SKIL: variants seen among roughly 807,000 people sequenced by gnomAD.
SKIL encodes the protein SKI like proto-oncogene, also known as ski-like protein.
In SKIL, 20 loss-of-function variants were observed where a neutral mutation model predicts 69.6. That is an observed-to-expected ratio of 0.29 (90% CI 0.20 to 0.42). The LOEUF is 0.42. SKIL is among the 10% of genes least tolerant of loss of function. SKIL has a pLI of 1.00. For missense variants in SKIL, 745 were observed against 783.1 expected (o/e 0.95, Z 0.58); for synonymous variants, 310 against 279.9 (o/e 1.11, Z -1.08).
rs187823259 is a variant in SKIL at position 170,385,548 on chromosome 3, T to G, written c.1429+783T>G. ...GGGGGCCAGGCATATAGCATAAATGTGGAATATTGACTGGTCATTTAAAAG... is the reference window on the plus strand; with the variant it reads ...GGGGGCCAGGCATATAGCATAAATGGGGAATATTGACTGGTCATTTAAAAG... On this transcript the variant is annotated intron_variant, in intron 4 of 6. Transcript: ENST00000259119. Among the ~76,000 whole-genome samples, 4 of 152,284 alleles carry G rather than the reference T, an allele frequency of 2.6e-5. No homozygotes were observed. The East Asian group carries it at 5.8e-4, about 22-fold the overall frequency.
chr3:170,375,271 A>C (rs147186822), intron 2 of SKIL, among the ~76,000 whole-genome samples: 2,070 of 152,302 alleles, frequency 0.014, 54 homozygotes, highest in African/African-American at 0.048. Flanking sequence ...AAAGAATAGG[A>C]GCTAAGAGGG....
chr3:170,387,025 C>CT (rs1028745030), intron 4 of SKIL, among the ~76,000 whole-genome samples: 14 of 151,078 alleles, frequency 9.3e-5, no homozygotes, highest in African/African-American at 3.4e-4. Flanking sequence ...TCTTTTCTTT[C>CT]TTTTTTTTTA....
intron 2 of SKIL, among the ~76,000 whole-genome samples, chr3:170,362,232 G>C (rs1453374817): frequency 6.6e-6 from 1 of 152,236 alleles, no homozygotes; most frequent in African/African-American, 2.4e-5. Flanking sequence ...GCCGGGCTCA[G>C]TGGCTCACAC....
intron 2 of SKIL, among the ~76,000 whole-genome samples, chr3:170,361,869 G>C (rs930381847): frequency 2.0e-5 from 3 of 151,918 alleles, no homozygotes; most frequent in African/African-American, 7.3e-5. Flanking sequence ...ACATCCTTGA[G>C]CCCCTGTGTC....
chr3:170,371,361 G>A (rs191581630), intron 2 of SKIL, among the ~76,000 whole-genome samples: 1 of 152,198 alleles, frequency 6.6e-6, no homozygotes, highest in East Asian at 1.9e-4. Flanking sequence ...AAAAAAAATA[G>A]CTGGGCATGG....
At chr3:170,380,386 T>A (rs1481568044) in intron 2 of SKIL, among the ~76,000 whole-genome samples, 1 of 152,198 alleles carries the variant, frequency 6.6e-6, no homozygotes, top group Non-Finnish European at 1.5e-5. Flanking sequence ...CTCATGCCTG[T>A]AATCCCTGCA....
intron 2 of SKIL, among the ~76,000 whole-genome samples, chr3:170,378,116 C>T (rs1737126796): frequency 1.3e-5 from 2 of 152,000 alleles, no homozygotes; most frequent in South Asian, 4.2e-4. Context: ...TGGCCTTGAA[C>T]TCCTGACCTC....
intron 4 of SKIL, 43 bp from the exon 5 acceptor site, chr3:170,390,180 G>A (rs553099807): frequency 1.4e-6 from 2 of 1,408,888 alleles, no homozygotes; most frequent in Non-Finnish European, 2.0e-6. Context: ...TTTTTTAATG[G>A]AGTGATATTC....
intron 2 of SKIL, among the ~76,000 whole-genome samples, chr3:170,366,347 G>A (rs1319643306): frequency 1.3e-5 from 2 of 151,776 alleles, no homozygotes; most frequent in Non-Finnish European, 2.9e-5. Context: ...ATTAAATATA[G>A]CTAATAACTC....
At position 170,390,468 on chromosome 3, in the gene SKIL, A is replaced by T; in HGVS notation, c.1671+4A>T. 1 of 1,606,690 alleles carries T rather than the reference A, an allele frequency of 6.2e-7. No individual in the cohort carries two copies. Among genetic ancestry groups the T allele is most frequent in the Non-Finnish European group, 8.5e-7 (1 of 1,173,786 alleles). ...AAAGAAGCAACAACTTCAGATGGTA[A>T]AATTGTTATCTAAATGATAGTCCAT... On this transcript the variant is annotated splice_donor_region_variant and intron_variant, in intron 5 of 6. Transcript: ENST00000259119.
chr3:170,380,219 ATTG>A (rs1737262179), intron 2 of SKIL, among the ~76,000 whole-genome samples: 2 of 152,228 alleles, frequency 1.3e-5, no homozygotes, highest in Non-Finnish European at 2.9e-5. Context: ...TTGGCAAAGT[ATTG>A]CTGTAGAATG....
Position 170,390,216 on chromosome 3 carries a change from C to T in SKIL, c.1430-7C>T, listed in dbSNP as rs904677535. 6 of 1,601,486 alleles carry T rather than the reference C, an allele frequency of 3.7e-6. No homozygotes were observed. In the African/African-American group the frequency reaches 5.4e-5, roughly 14 times the overall value. ...ATACTTTGTTACTTGATTTTTTTCT[C>T]TCCAAGATGCATCAATCTCAAATAA... On this transcript the variant is annotated splice_region_variant and splice_polypyrimidine_tract_variant and intron_variant, in intron 4 of 6. Coordinates refer to ENST00000259119, the MANE Select transcript of SKIL (RefSeq NM_005414.5).
chr3:170,361,131 A>T lies in SKIL; in HGVS notation c.800A>T (p.Glu267Val). ...GGCAGTGCCTTTGAAGTGGAGCATG[A>T]ATGCCTAGGCAAATGTCAGGGTTTA... Reference protein sequence around the residue: ...ETGSAFEVEHECLGKCQGLFA... With the variant: ...ETGSAFEVEHVCLGKCQGLFA... The change falls in exon 2 of 7, where the codon GAA (glutamate) becomes GTA (valine). Residue 267 changes from glutamate (E) to valine (V), a missense_variant. Glu to Val is a moderately radical substitution (Grantham distance 121). Transcript: ENST00000259119. 1.2e-6 allele frequency: 2 copies of T among 1,614,224 alleles called. No homozygotes were observed. The highest frequency in any genetic ancestry group is 1.7e-6 in the Non-Finnish European group (2 of 1,180,034).
At chr3:170,386,376 T>C (rs909318763) in intron 4 of SKIL, among the ~76,000 whole-genome samples, 1 of 152,252 alleles carries the variant, frequency 6.6e-6, no homozygotes, top group East Asian at 1.9e-4. Context: ...GTGATCCGCC[T>C]GCCTCGGCCT....
At chr3:170,369,417 T>G (rs1736690172) in intron 2 of SKIL, among the ~76,000 whole-genome samples, 1 of 152,088 alleles carries the variant, frequency 6.6e-6, no homozygotes, top group African/African-American at 2.4e-5. Flanking sequence ...AATTTTTTTT[T>G]TGATAAGGAG....
At chr3:170,376,741 A>T (rs1737053178) in intron 2 of SKIL, among the ~76,000 whole-genome samples, 1 of 151,944 alleles carries the variant, frequency 6.6e-6, no homozygotes, top group Admixed American at 6.6e-5. Context: ...TTGCCTGGCT[A>T]ATTTTTGTAT....
At position 170,395,381 on chromosome 3, in the gene SKIL, GCTT is replaced by G. The variant is rs1255423480; in HGVS notation, c.*2968_*2970del. 1 of 152,026 alleles carries G rather than the reference GCTT, an allele frequency of 6.6e-6. No homozygotes were observed. The highest frequency in any genetic ancestry group is 2.4e-5 in the African/African-American group (1 of 41,422). 9.4% of individuals were successfully genotyped at this position (152,026 alleles called of 1,614,324 possible). On this transcript the variant is annotated 3_prime_UTR_variant, in exon 7 of 7. Coordinates refer to ENST00000259119, the MANE Select transcript of SKIL (RefSeq NM_005414.5). ...GTTCATGAGAGTTAGGGTGTTTTATGCTTCTTGAACTAATTTTATAACATATTT... is the reference window on the plus strand; with the variant it reads ...GTTCATGAGAGTTAGGGTGTTTTATGCTTGAACTAATTTTATAACATATTT...
At chr3:170,358,408 C>T (rs994372488) in intron 1 of SKIL, 1 of 152,400 alleles carries the variant, frequency 6.6e-6, no homozygotes. Flanking sequence ...CCCTCCACCC[C>T]CTTGCACACC....
At chr3:170,359,583 A>G (rs569967227) in intron 1 of SKIL, 116 bp from the exon 2 acceptor site, 2 of 135,050 alleles carry the variant, frequency 1.5e-5, no homozygotes, top group South Asian at 5.1e-4. Flanking sequence ...ACAGAGCGAG[A>G]CTCCGTAAAA....
Sources: gnomAD v4.1 joint callset for allele counts (sites outside exome capture counted in the v4.1 genomes callset) on GRCh38, gnomAD v4.1.1 for gene constraint, MANE v1.5 for transcripts, NCBI Gene and HGNC (gene_info 2026-07-23, HGNC 2026-07-21) for gene names.